The following DOCK2 variants were observed in gnomAD, a reference collection of about 807,000 sequenced individuals.
DOCK2 encodes dedicator of cytokinesis protein 2.
A neutral mutation model predicts 248.9 loss-of-function variants in DOCK2; 87 were observed. The observed-to-expected ratio is 0.35, with a 90% CI of 0.29 to 0.42. DOCK2 has a LOEUF of 0.42. DOCK2 is among the 10% of genes least tolerant of loss of function. The pLI, the probability that DOCK2 is intolerant of heterozygous loss-of-function variation, is 1.00. For missense variants in DOCK2, 1,747 were observed against 2,300.2 expected, an observed-to-expected ratio of 0.76 and a Z score of 4.92; for synonymous variants, 805 against 821.6, an observed-to-expected ratio of 0.98 and a Z score of 0.35.
At chr5:169,838,291 G>C (rs890607006) in intron 26 of DOCK2, among the ~76,000 whole-genome samples, 1 of 152,124 alleles carries the variant, frequency 6.6e-6, no homozygotes, top group Admixed American at 6.5e-5. Context: ...CAGGCTGCTG[G>C]GTTGAATCCT....
intron 26 of DOCK2, among the ~76,000 whole-genome samples, chr5:169,811,043 G>A (rs986208422): frequency 6.6e-6 from 1 of 151,348 alleles, no homozygotes; most frequent in Admixed American, 6.6e-5. Context: ...CTCCTTTGAA[G>A]AGGATCAGAT....
At chr5:170,025,134 A>G (rs919697763) in intron 33 of DOCK2, among the ~76,000 whole-genome samples, 4 of 152,256 alleles carry the variant, frequency 2.6e-5, no homozygotes, top group African/African-American at 7.2e-5. Flanking sequence ...CACACACTTA[A>G]TGTTAGGCAC....
chr5:169,954,945 A>G (rs1249071551), intron 27 of DOCK2, among the ~76,000 whole-genome samples: 2 of 152,218 alleles, frequency 1.3e-5, no homozygotes, highest in African/African-American at 2.4e-5. Context: ...AAAACCTAGC[A>G]GGGGCATTAG....
rs1327190359 is a variant in DOCK2 at position 169,827,927 on chromosome 5, C to T, written c.2704-12830C>T. Among the ~76,000 whole-genome samples, 5 of 151,908 alleles carry T rather than the reference C, an allele frequency of 3.3e-5. No individual in the cohort carries two copies. In the East Asian group the frequency reaches 5.8e-4, roughly 18 times the overall value. On this transcript the variant is annotated intron_variant, in intron 26 of 51. Coordinates refer to ENST00000520908, the MANE Select transcript of DOCK2 (RefSeq NM_004946.3). Reference sequence around the variant, plus strand: ...AAAACCGAGGCACACACTCTGTTGGCGGGGGTGGGTGTTGACAGAGAGAGT... The same window carrying T: ...AAAACCGAGGCACACACTCTGTTGGTGGGGGTGGGTGTTGACAGAGAGAGT...
intron 23 of DOCK2, among the ~76,000 whole-genome samples, chr5:169,751,945 G>A (rs554515797): frequency 6.6e-6 from 1 of 152,046 alleles, no homozygotes; most frequent in Admixed American, 6.5e-5. Context: ...TATTCATAGT[G>A]CTGGAGCTAG....
intron 41 of DOCK2, among the ~76,000 whole-genome samples, chr5:170,053,828 A>T (rs1406442677): frequency 6.6e-6 from 1 of 152,194 alleles, no homozygotes; most frequent in Non-Finnish European, 1.5e-5. Flanking sequence ...ATTCAATTTA[A>T]TTTGGAACTA....
intron 23 of DOCK2, among the ~76,000 whole-genome samples, chr5:169,758,863 G>C (rs922249238): frequency 6.6e-6 from 1 of 152,130 alleles, no homozygotes; most frequent in African/African-American, 2.4e-5. Context: ...TAATTTTCAC[G>C]ATTTTTTACT....
chr5:169,702,280 G>GTC, intron 13 of DOCK2, 23 bp from the exon 14 acceptor site: 2 of 1,611,746 alleles, frequency 1.2e-6, no homozygotes, highest in Non-Finnish European at 1.7e-6. Context: ...ACTAACTCTT[G>GTC]TCTCTCTCTC....
intron 25 of DOCK2, among the ~76,000 whole-genome samples, chr5:169,762,062 C>T (rs1219142493): frequency 6.6e-6 from 1 of 152,066 alleles, no homozygotes. Flanking sequence ...TAGGAATTAA[C>T]ATTTTTTAAA....
intron 27 of DOCK2, among the ~76,000 whole-genome samples, chr5:169,946,322 T>G (rs1446855483): frequency 3.3e-5 from 5 of 152,104 alleles, no homozygotes; most frequent in Non-Finnish European, 7.4e-5. Context: ...AGGGAAGTGG[T>G]GTGTTTGCTC....
intron 6 of DOCK2, among the ~76,000 whole-genome samples, chr5:169,679,180 C>G (rs1759511397): frequency 6.6e-6 from 1 of 152,206 alleles, no homozygotes; most frequent in Non-Finnish European, 1.5e-5. Context: ...GCTGGAACTA[C>G]AGGTGCGTGC....
chr5:170,033,366 A>G (rs1756211146), intron 34 of DOCK2, among the ~76,000 whole-genome samples: 1 of 152,144 alleles, frequency 6.6e-6, no homozygotes, highest in Admixed American at 6.5e-5. Context: ...ACTAAAACAA[A>G]TATTATAATT....
At chr5:169,778,672 G>T (rs1765523911) in intron 25 of DOCK2, among the ~76,000 whole-genome samples, 1 of 152,196 alleles carries the variant, frequency 6.6e-6, no homozygotes, top group South Asian at 2.1e-4. Flanking sequence ...GTGCATTAAA[G>T]AATTTGCACA....
chr5:170,022,172 T>C (rs936419462), intron 33 of DOCK2, among the ~76,000 whole-genome samples: 1 of 152,320 alleles, frequency 6.6e-6, no homozygotes, highest in African/African-American at 2.4e-5. Context: ...CCTGAAGAGA[T>C]CCTAGACACC....
At chr5:169,807,982 C>G (rs947262125) in intron 26 of DOCK2, among the ~76,000 whole-genome samples, 1 of 151,996 alleles carries the variant, frequency 6.6e-6, no homozygotes, top group Non-Finnish European at 1.5e-5. Flanking sequence ...AAAGATCCAA[C>G]TTTGAAAATC....
chr5:169,677,615 C>T (rs1421330628), intron 6 of DOCK2, among the ~76,000 whole-genome samples: 1 of 152,184 alleles, frequency 6.6e-6, no homozygotes, highest in African/African-American at 2.4e-5. Flanking sequence ...CCCAACATGT[C>T]CTTTCCGTCT....
At chr5:169,788,339 C>T (rs1346771013) in intron 25 of DOCK2, among the ~76,000 whole-genome samples, 1 of 146,232 alleles carries the variant, frequency 6.8e-6, no homozygotes, top group Non-Finnish European at 1.5e-5. Flanking sequence ...ATGAAACCTC[C>T]TCCCTTTATT....
intron 25 of DOCK2, among the ~76,000 whole-genome samples, chr5:169,770,537 T>G (rs188674917): frequency 2.2e-4 from 34 of 152,260 alleles, no homozygotes; most frequent in African/African-American, 7.2e-4. Context: ...TGGGCTTAAG[T>G]GATCCTTCTG....
At chr5:169,979,124 C>T (rs1777847057) in intron 27 of DOCK2, among the ~76,000 whole-genome samples, 1 of 152,158 alleles carries the variant, frequency 6.6e-6, no homozygotes, top group African/African-American at 2.4e-5. Context: ...GGGATTCTTG[C>T]TAGCCTGGAG....
Sources: allele counts gnomAD v4.1 joint callset (sites outside exome capture counted in the v4.1 genomes callset), GRCh38; gene constraint gnomAD v4.1.1; transcripts MANE v1.5; gene names NCBI Gene and HGNC (gene_info 2026-07-23, HGNC 2026-07-21).